The following ADGRL3 variants were observed in gnomAD, a reference collection of about 807,000 sequenced individuals.
ADGRL3 encodes adhesion G protein-coupled receptor L3.
In ADGRL3, 62 loss-of-function variants were observed where a neutral mutation model predicts 153.5. The observed-to-expected ratio is 0.40, with a 90% CI of 0.33 to 0.50. The LOEUF (loss-of-function observed/expected upper bound fraction) is 0.50. Among genes scored for constraint, ADGRL3 ranks in the 20% least tolerant of loss-of-function variants. The pLI, the probability that ADGRL3 is intolerant of heterozygous loss-of-function variation, is 0.47. For missense variants in ADGRL3, 1,641 were observed against 1,859.4 expected (o/e 0.88, Z 2.16); for synonymous variants, 710 against 672.5 (o/e 1.06, Z -0.86).
At chr4:61,929,757 A>G in intron 13 of ADGRL3, among the ~76,000 whole-genome samples, 1 of 152,176 alleles carries the variant, frequency 6.6e-6, no homozygotes, top group East Asian at 1.9e-4. Flanking sequence ...AAAGAAAACA[A>G]AACAGGTAAT....
chr4:61,924,746 T>C (rs2098787218), intron 13 of ADGRL3, among the ~76,000 whole-genome samples: 1 of 152,220 alleles, frequency 6.6e-6, no homozygotes. Flanking sequence ...TCCAGATGCC[T>C]GCATGGCTTA....
At chr4:61,543,373 G>A (rs1252719656) in intron 4 of ADGRL3, among the ~76,000 whole-genome samples, 1 of 152,108 alleles carries the variant, frequency 6.6e-6, no homozygotes, top group Non-Finnish European at 1.5e-5. Flanking sequence ...AAGGCACAAG[G>A]AGATGCAATG....
chr4:61,523,662 A>T (rs77657205), intron 4 of ADGRL3, among the ~76,000 whole-genome samples: 2,044 of 152,200 alleles, frequency 0.013, 20 homozygotes, highest in Non-Finnish European at 0.021. Context: ...AGCCCTAAAG[A>T]TAATTTCAAA....
intron 9 of ADGRL3, among the ~76,000 whole-genome samples, chr4:61,833,818 C>T (rs1433450929): frequency 1.3e-5 from 2 of 152,130 alleles, no homozygotes; most frequent in Non-Finnish European, 2.9e-5. Context: ...TTGTTTTAGA[C>T]TATAAACTAA....
At chr4:62,055,795 T>C (rs1179360270) in intron 25 of ADGRL3, among the ~76,000 whole-genome samples, 1 of 151,728 alleles carries the variant, frequency 6.6e-6, no homozygotes, top group Non-Finnish European at 1.5e-5. Flanking sequence ...GTTGATATTG[T>C]TTTGCTACAC....
At chr4:61,710,801 A>G (rs943400490) in intron 6 of ADGRL3, among the ~76,000 whole-genome samples, 3 of 152,192 alleles carry the variant, frequency 2.0e-5, no homozygotes, top group Non-Finnish European at 4.4e-5. Context: ...ACAACACTCT[A>G]ATATACTTGT....
chr4:61,638,818 A>T (rs1490644877), intron 5 of ADGRL3, among the ~76,000 whole-genome samples: 1 of 152,306 alleles, frequency 6.6e-6, no homozygotes, highest in African/African-American at 2.4e-5. Flanking sequence ...GTTAAAGCAA[A>T]TCTTAAATGA....
At chr4:61,795,309 T>C (rs565285420) in intron 8 of ADGRL3, among the ~76,000 whole-genome samples, 1 of 152,260 alleles carries the variant, frequency 6.6e-6, no homozygotes, top group East Asian at 1.9e-4. Context: ...TATTTTTGTG[T>C]GTAGAGGCAG....
At chr4:61,924,848 T>A (rs1203491893) in intron 13 of ADGRL3, among the ~76,000 whole-genome samples, 2 of 152,192 alleles carry the variant, frequency 1.3e-5, no homozygotes, top group Non-Finnish European at 2.9e-5. Context: ...TTCTAAATCC[T>A]CCATCCTGTC....
chr4:61,726,298 A>G (rs570753188), intron 6 of ADGRL3, among the ~76,000 whole-genome samples: 7 of 148,948 alleles, frequency 4.7e-5, no homozygotes, highest in African/African-American at 1.5e-4. Context: ...TTTTGGGTTC[A>G]AGTGATTCTT....
At chr4:61,349,255 G>T (rs538455785) in intron 1 of ADGRL3, among the ~76,000 whole-genome samples, 1 of 152,024 alleles carries the variant, frequency 6.6e-6, no homozygotes, top group African/African-American at 2.4e-5. Context: ...GTTCAGAAAT[G>T]TGTTCCATCA....
chr4:61,282,673 A>G (rs1319591867), intron 1 of ADGRL3, among the ~76,000 whole-genome samples: 1 of 151,954 alleles, frequency 6.6e-6, no homozygotes, highest in Non-Finnish European at 1.5e-5. Flanking sequence ...CTTAGTTCCT[A>G]TACATACAAA....
At chr4:61,365,855 C>T (rs1348737177) in intron 1 of ADGRL3, among the ~76,000 whole-genome samples, 2 of 151,994 alleles carry the variant, frequency 1.3e-5, no homozygotes, top group Admixed American at 6.6e-5. Context: ...CTATATAATA[C>T]CTGCAACATT....
intron 5 of ADGRL3, among the ~76,000 whole-genome samples, chr4:61,649,934 A>T (rs531603598): frequency 2.0e-5 from 3 of 152,294 alleles, no homozygotes; most frequent in African/African-American, 7.2e-5. Flanking sequence ...TTTTTGTTCC[A>T]GTAGAAGTGA....
intron 2 of ADGRL3, among the ~76,000 whole-genome samples, chr4:61,451,339 T>C (rs1264194500): frequency 6.6e-6 from 1 of 152,040 alleles, no homozygotes; most frequent in African/African-American, 2.4e-5. Context: ...ATATATAACA[T>C]TTTAATGAAA....
At position 61,240,023 on chromosome 4, in the gene ADGRL3, T is replaced by C. The variant is rs570242114; in HGVS notation, c.-240+38258T>C. Among the ~76,000 whole-genome samples, 4 of 152,222 alleles carry C rather than the reference T, an allele frequency of 2.6e-5. No individual in the cohort carries two copies. The East Asian group carries it at 5.8e-4, about 22-fold the overall frequency. On this transcript the variant is annotated intron_variant, in intron 1 of 26. Coordinates refer to ENST00000683033, the MANE Select transcript of ADGRL3 (RefSeq NM_001387552.1). ...AGTCCATTTGTTCTGCTTTACAAAA[T>C]ATCTGAGAGTAGGTGGTTCATAAAA...
intron 2 of ADGRL3, among the ~76,000 whole-genome samples, chr4:61,477,392 T>C (rs1348260262): frequency 2.6e-5 from 4 of 150,998 alleles, no homozygotes; most frequent in African/African-American, 9.8e-5. Flanking sequence ...CACACACACA[T>C]GTGCACACAC....
chr4:61,778,085 T>A (rs147460492), intron 8 of ADGRL3, among the ~76,000 whole-genome samples: 1 of 152,328 alleles, frequency 6.6e-6, no homozygotes, highest in Non-Finnish European at 1.5e-5. Context: ...ATGTGATAGA[T>A]TGTGGTCAAA....
chr4:61,318,046 A>G (rs1560466961), intron 1 of ADGRL3, among the ~76,000 whole-genome samples: 1 of 151,706 alleles, frequency 6.6e-6, no homozygotes, highest in Non-Finnish European at 1.5e-5. Flanking sequence ...GCGTGGTGGC[A>G]CATGTCTGTA....
Sources: gnomAD v4.1 joint callset for allele counts (sites outside exome capture counted in the v4.1 genomes callset) on GRCh38, gnomAD v4.1.1 for gene constraint, MANE v1.5 for transcripts, NCBI Gene and HGNC (gene_info 2026-07-23, HGNC 2026-07-21) for gene names.